Variants in USH2A observed in about 807,000 individuals in gnomAD.
The protein encoded by USH2A is usherin.
USH2A carries 443 observed loss-of-function variants against 538.9 expected under a neutral mutation model. The observed-to-expected ratio is 0.82, with a 90% CI of 0.76 to 0.89. The LOEUF is 0.89. Ranked by LOEUF, USH2A falls within the 40% of genes least tolerant of loss-of-function variation. The pLI, the probability that USH2A is intolerant of heterozygous loss-of-function variation, is 0.00. For missense variants in USH2A, 6,633 were observed against 6,324.8 expected (o/e 1.05, Z -1.65); for synonymous variants, 2,413 against 2,273.5 (o/e 1.06, Z -1.75).
chr1:216,251,482 G>T (rs1374239404), intron 11 of USH2A, among the ~76,000 whole-genome samples: 3 of 105,560 alleles, frequency 2.8e-5, no homozygotes, highest in African/African-American at 1.1e-4. Flanking sequence ...ATGGAGTCTC[G>T]CTCTGTCACC....
chr1:216,005,109 A>C (rs1474159111), intron 32 of USH2A, among the ~76,000 whole-genome samples: 3 of 151,978 alleles, frequency 2.0e-5, no homozygotes, highest in Admixed American at 6.6e-5. Flanking sequence ...CATTCTCCCT[A>C]TTTTTTTCAT....
chr1:215,777,016 C>G (rs1031793062), intron 55 of USH2A, among the ~76,000 whole-genome samples: 1 of 152,092 alleles, frequency 6.6e-6, no homozygotes, highest in African/African-American at 2.4e-5. Flanking sequence ...AAGTGAAATA[C>G]TCTCTAAATC....
chr1:216,255,639 G>T (rs2036243668), intron 11 of USH2A, among the ~76,000 whole-genome samples: 1 of 152,030 alleles, frequency 6.6e-6, no homozygotes, highest in South Asian at 2.1e-4. Flanking sequence ...TTGTGTTATG[G>T]TTCAGAATTT....
At chr1:216,228,990 G>T (rs1229343078) in intron 14 of USH2A, among the ~76,000 whole-genome samples, 2 of 151,980 alleles carry the variant, frequency 1.3e-5, no homozygotes, top group African/African-American at 2.4e-5. Flanking sequence ...TGACCAACAT[G>T]GTGAAACCCT....
intron 58 of USH2A, 51 bp from the exon 59 acceptor site, chr1:215,743,386 ATGTGTGTGTGTGTGTGTGTGTGTG>A (rs61304768): frequency 3.7e-4 from 122 of 328,180 alleles, no homozygotes; most frequent in South Asian, 3.9e-4. Context: ...ATATATATAT[ATGTGTGTGTGTGTGTGTGTGTGTG>A]TGTGTGTATA....
At chr1:215,847,083 C>T (rs1663870104) in intron 44 of USH2A, among the ~76,000 whole-genome samples, 1 of 152,134 alleles carries the variant, frequency 6.6e-6, no homozygotes. Flanking sequence ...CAACCCTTAT[C>T]CTTTCAAAGA....
In USH2A at chr1:215,888,749, A is replaced by T; in HGVS notation, c.7900T>A (p.Ser2634Thr). 1 of 1,614,180 alleles carries T rather than the reference A, an allele frequency of 6.2e-7. No individual in the cohort carries two copies. Among genetic ancestry groups the T allele is most frequent in the Non-Finnish European group, 8.5e-7 (1 of 1,180,012 alleles). The change falls in exon 41 of 72, where the codon TCT becomes ACT. Residue 2634 changes from serine to threonine, a missense_variant. Physicochemically the swap from Ser to Thr is moderately conservative, Grantham distance 58 (BLOSUM62 1). Transcript: ENST00000307340. The stretch of plus-strand genomic sequence containing the variant: ...ATAATCACAGATGTTGGAGTATCAG[A>T]GAACAGCTCTGGACTTGGGATCCCT... ...PEGIPSPELFSDTPTSVIISW... is the reference protein window; with the variant it reads ...PEGIPSPELFTDTPTSVIISW...
At chr1:215,640,844 CAAAAAA>C (rs56212994) in intron 67 of USH2A, 110 bp from the exon 68 acceptor site, 276 of 496,148 alleles carry the variant, frequency 5.6e-4, no homozygotes, top group South Asian at 2.0e-3. Flanking sequence ...CCAATCCAAA[CAAAAAA>C]AAAAAAAAAA....
chr1:216,221,974 T>C (rs2035464448), intron 14 of USH2A, among the ~76,000 whole-genome samples: 1 of 152,190 alleles, frequency 6.6e-6, no homozygotes, highest in South Asian at 2.1e-4. Context: ...GAAATAAACA[T>C]GAGCTACTTC....
intron 59 of USH2A, among the ~76,000 whole-genome samples, chr1:215,742,499 T>A (rs1406709405): frequency 2.6e-5 from 4 of 152,038 alleles, no homozygotes; most frequent in Non-Finnish European, 5.9e-5. Context: ...CATATCCATA[T>A]CTGTTAAAGT....
Position 215,634,551 on chromosome 1 carries a change from T to C in USH2A, c.15205A>G (p.Lys5069Glu). Residue 5069 changes from lysine (K) to glutamate (E), a missense_variant, in exon 70 of 72, where the codon AAA becomes GAA. Physicochemically the swap from Lys to Glu is moderately conservative, Grantham distance 56. Coordinates refer to ENST00000307340, the MANE Select transcript of USH2A (RefSeq NM_206933.4). ...GGTCTTTCTCTGATATATGGCTCTT[T>C]GTGGATTTTTCTTTGTAGTATCAGG... is the stretch of plus-strand genomic sequence containing the variant. ...LSLILQRKIH[K>E]EPYIRERPPL... 6.2e-7 allele frequency: 1 copy of C among 1,614,192 alleles called. No homozygotes were observed. The highest frequency in any genetic ancestry group is 8.5e-7 in the Non-Finnish European group (1 of 1,180,042).
At chr1:215,885,226 TA>T (rs5780862) in intron 41 of USH2A, among the ~76,000 whole-genome samples, 14 of 150,984 alleles carry the variant, frequency 9.3e-5, no homozygotes, top group South Asian at 4.2e-4. Flanking sequence ...CATCTATTGA[TA>T]AAAAAAAACC....
chr1:216,196,930 T>A (rs1441989136), intron 18 of USH2A, among the ~76,000 whole-genome samples: 1 of 152,194 alleles, frequency 6.6e-6, no homozygotes, highest in Non-Finnish European at 1.5e-5. Context: ...CATCTTCATA[T>A]TACCAGCTAC....
intron 56 of USH2A, 49 bp downstream of exon 56, chr1:215,766,632 A>G: frequency 6.5e-7 from 1 of 1,531,310 alleles, no homozygotes; most frequent in Non-Finnish European, 9.0e-7. Flanking sequence ...CCACCTCAAA[A>G]TGCTATGTGA....
At chr1:215,929,325 G>T (rs1666307514) in intron 38 of USH2A, among the ~76,000 whole-genome samples, 1 of 152,064 alleles carries the variant, frequency 6.6e-6, no homozygotes, top group Non-Finnish European at 1.5e-5. Context: ...CGCAAATTAT[G>T]ATCTGGAGGT....
intron 61 of USH2A, among the ~76,000 whole-genome samples, chr1:215,723,554 G>A (rs1659723306): frequency 6.6e-6 from 1 of 152,188 alleles, no homozygotes; most frequent in Non-Finnish European, 1.5e-5. Flanking sequence ...ATAAACAAGG[G>A]ACTAATGCAT....
chr1:216,039,669 A>G (rs17025907), intron 32 of USH2A, among the ~76,000 whole-genome samples: 1,576 of 152,164 alleles, frequency 0.01, 25 homozygotes, highest in African/African-American at 0.036. Flanking sequence ...TCTGTAAGCC[A>G]TTGGTGTGAA....
chr1:216,185,159 C>A (rs570625499), intron 20 of USH2A, among the ~76,000 whole-genome samples: 1 of 151,990 alleles, frequency 6.6e-6, no homozygotes, highest in East Asian at 1.9e-4. Context: ...AACTCCAAAG[C>A]CATTAATAAC....
At chr1:216,127,547 C>T (rs1329123900) in intron 21 of USH2A, among the ~76,000 whole-genome samples, 1 of 152,256 alleles carries the variant, frequency 6.6e-6, no homozygotes, top group Admixed American at 6.5e-5. Context: ...GGCAATGTTA[C>T]CACCTCTATT....
Sources: gnomAD v4.1 joint callset for allele counts (sites outside exome capture counted in the v4.1 genomes callset) on GRCh38, gnomAD v4.1.1 for gene constraint, MANE v1.5 for transcripts, NCBI Gene and HGNC (gene_info 2026-07-23, HGNC 2026-07-21) for gene names.